Variants in PARN observed in about 807,000 individuals in gnomAD.
The protein encoded by PARN is poly(A)-specific ribonuclease, also known as poly(A)-specific ribonuclease PARN.
Under a neutral mutation model 102.8 loss-of-function variants are expected in PARN, and 71 were observed. That is an observed-to-expected ratio of 0.69 (90% CI 0.57 to 0.84). The LOEUF is 0.84. Ranked by LOEUF, PARN falls within the 40% of genes least tolerant of loss-of-function variation. The pLI, the probability that PARN is intolerant of heterozygous loss-of-function variation, is 0.00. For missense variants in PARN, 782 were observed against 760.9 expected (o/e 1.03, Z -0.33); for synonymous variants, 261 against 252.9 (o/e 1.03, Z -0.30).
Position 14,554,145 on chromosome 16 carries a change from G to C in PARN, c.1325C>G (p.Pro442Arg). The C allele has an allele frequency of 6.2e-7, 1 of 1,610,620 alleles. No homozygotes were observed. Among genetic ancestry groups the C allele is most frequent in the Non-Finnish European group, 8.5e-7 (1 of 1,177,602 alleles). ...YLNLEGPDLQ[P>R]KRDHVLHVTF... ...CACATGGAGAACATGATCACGTTTAGGCTGCACTACAAGACAAATTTATGA... is the reference window on the plus strand; with the variant it reads ...CACATGGAGAACATGATCACGTTTACGCTGCACTACAAGACAAATTTATGA... Residue 442 changes from proline (P) to arginine (R), a missense_variant, in exon 20 of 24, where the codon CCT becomes CGT. Physicochemically the swap from Pro to Arg is moderately radical, Grantham distance 103 (BLOSUM62 -2). Coordinates refer to ENST00000437198, the MANE Select transcript of PARN (RefSeq NM_002582.4).
At chr16:14,451,843 T>TA (rs1184998225) in intron 22 of PARN, among the ~76,000 whole-genome samples, 586 of 54,500 alleles carry the variant, frequency 0.011, 8 homozygotes, top group African/African-American at 0.012. Flanking sequence ...ACCCCGTCTC[T>TA]AAAAAAAAAA....
intron 18 of PARN, among the ~76,000 whole-genome samples, chr16:14,566,059 T>C (rs186711825): frequency 6.6e-6 from 1 of 152,314 alleles, no homozygotes; most frequent in Non-Finnish European, 1.5e-5. Context: ...AGGCTGGAAA[T>C]AGCTAAGAAT....
At chr16:14,545,479 T>C (rs1966882934) in intron 21 of PARN, among the ~76,000 whole-genome samples, 1 of 148,668 alleles carries the variant, frequency 6.7e-6, no homozygotes, top group African/African-American at 2.4e-5. Flanking sequence ...TTAATGATAT[T>C]TAAAACATAC....
Position 14,443,096 on chromosome 16 carries a change from T to C in PARN, c.1864+3792A>G, listed in dbSNP as rs151056335. ...TCCTCTGTACAACTGGGAAAGAGTATCTGCACCTTACTGCATGTTTAAAAG... is the reference window on the plus strand; with the variant it reads ...TCCTCTGTACAACTGGGAAAGAGTACCTGCACCTTACTGCATGTTTAAAAG... On this transcript the variant is annotated intron_variant, in intron 23 of 23. Coordinates refer to ENST00000437198, the MANE Select transcript of PARN (RefSeq NM_002582.4). 4.4e-3 allele frequency among the ~76,000 whole-genome samples: 671 copies of C among 152,302 alleles called. 3 individuals are homozygous for C. The highest frequency in any genetic ancestry group is 0.016 in the African/African-American group (646 of 41,562).
chr16:14,484,617 G>A (rs757420131), intron 21 of PARN, among the ~76,000 whole-genome samples: 3 of 152,162 alleles, frequency 2.0e-5, no homozygotes, highest in Non-Finnish European at 2.9e-5. Context: ...TGGGCACGTC[G>A]GCACTGGACA....
chr16:14,496,140 G>T (rs1209398773), intron 21 of PARN, among the ~76,000 whole-genome samples: 1 of 152,236 alleles, frequency 6.6e-6, no homozygotes, highest in Non-Finnish European at 1.5e-5. Context: ...GCCGAGAGAG[G>T]TTGAGTGGCC....
intron 21 of PARN, among the ~76,000 whole-genome samples, chr16:14,502,054 G>C (rs148352266): frequency 6.6e-6 from 1 of 152,346 alleles, no homozygotes; most frequent in African/African-American, 2.4e-5. Context: ...AGGCACAATG[G>C]AATGAGTGTG....
chr16:14,462,234 G>C (rs1007256973), intron 22 of PARN, among the ~76,000 whole-genome samples: 4 of 151,746 alleles, frequency 2.6e-5, no homozygotes, highest in Admixed American at 1.3e-4. Context: ...GTGAAGACAA[G>C]AATTCTTAGA....
At chr16:14,533,549 C>T (rs1966476245) in intron 21 of PARN, among the ~76,000 whole-genome samples, 1 of 152,028 alleles carries the variant, frequency 6.6e-6, no homozygotes, top group African/African-American at 2.4e-5. Context: ...CACGTTCTAG[C>T]TCCCCGCTGC....
At chr16:14,526,945 A>G (rs910908265) in intron 21 of PARN, among the ~76,000 whole-genome samples, 1 of 152,230 alleles carries the variant, frequency 6.6e-6, no homozygotes, top group African/African-American at 2.4e-5. Context: ...GACAGCCCAG[A>G]AATCCTCTTC....
At chr16:14,442,011 G>A (rs1960963234) in intron 23 of PARN, among the ~76,000 whole-genome samples, 1 of 152,048 alleles carries the variant, frequency 6.6e-6, no homozygotes, top group Admixed American at 6.5e-5. Flanking sequence ...AAATGTTAGG[G>A]GAAAAAAGAC....
chr16:14,554,179 T>C (rs755000115), intron 19 of PARN, 28 bp from the exon 20 acceptor site: 1 of 1,478,902 alleles, frequency 6.8e-7, no homozygotes, highest in Non-Finnish European at 9.4e-7. Context: ...GATGAAATAT[T>C]GATGGGTGAA....
intron 7 of PARN, among the ~76,000 whole-genome samples, 163 bp from the exon 8 acceptor site, chr16:14,609,286 G>C (rs1256587757): frequency 6.6e-6 from 1 of 152,078 alleles, no homozygotes; most frequent in African/African-American, 2.4e-5. Flanking sequence ...TTTTAAAAAT[G>C]CTTTATTTTG....
chr16:14,560,986 T>A (rs868761782), intron 18 of PARN, among the ~76,000 whole-genome samples: 12 of 152,206 alleles, frequency 7.9e-5, no homozygotes, highest in Middle Eastern at 3.4e-3. Flanking sequence ...TGAAACCTCG[T>A]CTCTATTTAA....
At chr16:14,468,878 AATAGATAGATAGATAGATAGATAGATAG>A (rs59011829) in intron 22 of PARN, among the ~76,000 whole-genome samples, 2 of 139,620 alleles carry the variant, frequency 1.4e-5, no homozygotes, top group Non-Finnish European at 3.0e-5. Flanking sequence ...CCCATTACTA[AATAGATAGATAGATAGATAGATAGATAG>A]ATAGATAGAT....
chr16:14,610,653 T>G lies in PARN; in HGVS notation c.545A>C (p.Asp182Ala). The G allele has an allele frequency of 6.2e-7, 1 of 1,605,642 alleles. No homozygotes were observed. The highest frequency in any genetic ancestry group is 8.5e-7 in the Non-Finnish European group (1 of 1,172,440). Residue 182 changes from aspartate to alanine, a missense_variant, in exon 7 of 24, where the codon GAC becomes GCC. Physicochemically the swap from Asp to Ala is moderately radical, Grantham distance 126. Transcript: ENST00000437198. ...TIPEDQKKFI[D>A]QVVEKIEDLL... ...TAATTTAGGAACTTACACCACTTGG[T>G]CAATAAACTTCTTTTGATCCTCAGG...
chr16:14,445,667 GT>G (rs768802899), intron 23 of PARN, among the ~76,000 whole-genome samples: 1 of 152,174 alleles, frequency 6.6e-6, no homozygotes, highest in Non-Finnish European at 1.5e-5. Flanking sequence ...GGCTGAGGCA[GT>G]CCCCCTACTT....
chr16:14,611,104 T>C (rs572178536), intron 6 of PARN, among the ~76,000 whole-genome samples: 119 of 152,352 alleles, frequency 7.8e-4, no homozygotes, highest in Non-Finnish European at 1.4e-3. Flanking sequence ...AGGGAACTAC[T>C]TCTGACAAGA....
chr16:14,603,422 C>T (rs1028240735), intron 11 of PARN, among the ~76,000 whole-genome samples: 6 of 152,260 alleles, frequency 3.9e-5, no homozygotes, highest in African/African-American at 7.2e-5. Context: ...TGCAAACCCA[C>T]TCCTCTCTCC....
Sources: gnomAD v4.1 joint callset for allele counts (sites outside exome capture counted in the v4.1 genomes callset) on GRCh38, gnomAD v4.1.1 for gene constraint, MANE v1.5 for transcripts, NCBI Gene and HGNC (gene_info 2026-07-23, HGNC 2026-07-21) for gene names.